SLC23A1: variants seen among roughly 807,000 people sequenced by gnomAD.
SLC23A1 encodes solute carrier family 23 member 1, also known as Na(+)/L-ascorbic acid transporter 1.
In SLC23A1, 31 loss-of-function variants were observed where a neutral mutation model predicts 62.5. The observed-to-expected ratio is 0.50, with a 90% CI of 0.37 to 0.67. The LOEUF (loss-of-function observed/expected upper bound fraction) is 0.67, where lower values mean the gene tolerates loss of function less well. SLC23A1 is among the 30% of genes least tolerant of loss of function. The probability of loss-of-function intolerance (pLI) is 0.00; values close to 1 mark genes in which losing one functional copy is unlikely to be tolerated. For missense variants in SLC23A1, 640 were observed against 782.7 expected (o/e 0.82, Z 2.18); for synonymous variants, 271 against 313.2 (o/e 0.87, Z 1.42).
chr5:139,382,152 G>A (rs573884616), intron 2 of SLC23A1, 103 bp from the exon 3 acceptor site: 9 of 1,219,878 alleles, frequency 7.4e-6, no homozygotes, highest in African/African-American at 4.5e-5. Flanking sequence ...GCCTGGAACC[G>A]GCTGCCTGCC....
chr5:139,372,650 T>C (rs1300584812), intron 13 of SLC23A1, among the ~76,000 whole-genome samples: 1 of 152,226 alleles, frequency 6.6e-6, no homozygotes, highest in Non-Finnish European at 1.5e-5. Flanking sequence ...ACTGGCACGA[T>C]CTCGGCTCAC....
rs1480041412 is a variant in SLC23A1 at position 139,379,914 on chromosome 5, C to A, written c.768+42G>T. 1 of 1,613,940 alleles carries A rather than the reference C, an allele frequency of 6.2e-7. No individual in the cohort carries two copies. Among genetic ancestry groups the A allele is most frequent in the Non-Finnish European group, 8.5e-7 (1 of 1,179,966 alleles). ...AACCTGCTCCCACCTCAGCCCAAGC[C>A]CTGGCCATAGTCCCAGCCCCAGCCG... is the stretch of plus-strand genomic sequence containing the variant. On this transcript the variant is annotated intron_variant, in intron 7 of 14. Coordinates refer to ENST00000348729, the MANE Select transcript of SLC23A1 (RefSeq NM_005847.5). The surrounding 1 kb of genome is among the most constrained non-coding windows in gnomAD (Gnocchi z 4.7).
intron 14 of SLC23A1, chr5:139,368,593 T>G: frequency 8.2e-6 from 5 of 611,286 alleles, no homozygotes; most frequent in Non-Finnish European, 5.9e-6. Flanking sequence ...GGTTCTTCCT[T>G]TTTGGGGTTT....
rs766070272 is a variant in SLC23A1, at chr5:139,380,332, G to T, written c.523C>A (p.Leu175Met). 1 of 1,610,958 alleles carries T rather than the reference G, an allele frequency of 6.2e-7. No homozygotes were observed. Among genetic ancestry groups the T allele is most frequent in the South Asian group, 1.1e-5 (1 of 90,406 alleles). ...ATGTAGTTGAGCAGGGCCCCAGGCA[G>T]CCCCAGCAGGCCAATCACCACCTCC... ...VVEVVIGLLG[L>M]PGALLNYIGP... The change falls in exon 6 of 15, where the codon CTG becomes ATG. Residue 175 changes from leucine (L) to methionine (M), a missense_variant. Physicochemically the swap from Leu to Met is conservative, Grantham distance 15. Coordinates refer to ENST00000348729, the MANE Select transcript of SLC23A1 (RefSeq NM_005847.5).
In SLC23A1 at chr5:139,380,899, C is replaced by A; in HGVS notation, c.309-13G>T. 2 of 427,924 alleles carry A rather than the reference C, an allele frequency of 4.7e-6. No homozygotes were observed. Among genetic ancestry groups the A allele is most frequent in the South Asian group, 2.5e-5 (1 of 40,794 alleles). The allele number at this position is 427,924 out of a possible 1,614,324, so 26.5% of individuals were successfully genotyped here. On this transcript the variant is annotated splice_polypyrimidine_tract_variant and intron_variant, in intron 3 of 14. Transcript: ENST00000348729. Reference sequence around the variant, plus strand: ...GAACAGCGGCAGCCTGGAGGAGAGGCACAAAGCAACAGGGGTGGGGAGGGG... The same window carrying A: ...GAACAGCGGCAGCCTGGAGGAGAGGAACAAAGCAACAGGGGTGGGGAGGGG...
intron 14 of SLC23A1, chr5:139,369,547 C>T (rs1757522940): frequency 2.0e-5 from 3 of 152,684 alleles, no homozygotes; most frequent in African/African-American, 7.2e-5. Flanking sequence ...TCACGAGAGT[C>T]TGCAGCACAA....
chr5:139,372,307 C>A (rs1379891908), intron 13 of SLC23A1, 54 bp from the exon 14 acceptor site: 3 of 1,560,872 alleles, frequency 1.9e-6, no homozygotes, highest in African/African-American at 2.7e-5. Context: ...CAGCCACCCC[C>A]ACTTCCCATA....
At position 139,378,766 on chromosome 5, in the gene SLC23A1, C is replaced by T; in HGVS notation, c.1074-82G>A. On this transcript the variant is annotated intron_variant, in intron 9 of 14. Transcript: ENST00000348729. The surrounding 1 kb of genome is among the most constrained non-coding windows in gnomAD (Gnocchi z 4.5). The stretch of plus-strand genomic sequence containing the variant: ...CCCATCATCTTAGCAAGCTGCCGTC[C>T]TCTGGGGCTGTGGGGGCTGCAGCTA... The T allele has an allele frequency of 9.3e-7, 1 of 1,071,244 alleles. No individual in the cohort carries two copies. The highest frequency in any genetic ancestry group is 1.4e-6 in the Non-Finnish European group (1 of 711,048). The allele number at this position is 1,071,244 out of a possible 1,614,324, so 66.4% of individuals were successfully genotyped here.
In SLC23A1 at chr5:139,372,148, A is replaced by C. The variant is rs1318768903; in HGVS notation, c.1655T>G (p.Ile552Arg). Residue 552 changes from isoleucine to arginine, a missense_variant, in exon 14 of 15, where the codon ATA becomes AGA. Transcript: ENST00000348729. ...KSYDFPIGMG[I>R]VKRITFLKYI... The stretch of plus-strand genomic sequence containing the variant: ...TTTCAGAAAGGTAATTCTTTTTACT[A>C]TGCCCATCCCAATGGGGAAATCGTA... 1 of 1,613,498 alleles carries C rather than the reference A, an allele frequency of 6.2e-7. No individual in the cohort carries two copies. The highest frequency in any genetic ancestry group is 1.3e-5 in the African/African-American group (1 of 74,920).
At chr5:139,373,175 T>G (rs541008010) in intron 13 of SLC23A1, among the ~76,000 whole-genome samples, 26 of 152,158 alleles carry the variant, frequency 1.7e-4, no homozygotes, top group Admixed American at 9.2e-4. Flanking sequence ...TTGTGTTTTT[T>G]TTGTTGTTGT....
chr5:139,371,578 G>A (rs1361902278), intron 14 of SLC23A1, among the ~76,000 whole-genome samples: 1 of 152,200 alleles, frequency 6.6e-6, no homozygotes, highest in Non-Finnish European at 1.5e-5. Context: ...GATTTTTCCT[G>A]TTCTTGTGCT....
chr5:139,377,973 A>G lies in SLC23A1; in HGVS notation c.1453+2T>C. The G allele has an allele frequency of 6.2e-7, 1 of 1,613,354 alleles. No homozygotes were observed. Among genetic ancestry groups the G allele is most frequent in the Non-Finnish European group, 8.5e-7 (1 of 1,179,698 alleles). On this transcript the variant is annotated splice_donor_variant, in intron 12 of 14. Transcript: ENST00000348729. LOFTEE classifies it high-confidence loss of function. ...TTGGAGACAGTAAACAGCTGGAGGC[A>G]CCTGTATTGATGGCGCCAGGGTTGG... is the stretch of plus-strand genomic sequence containing the variant.
At position 139,378,058 on chromosome 5, in the gene SLC23A1, T is replaced by G; in HGVS notation, c.1370A>C (p.Asn457Thr). ...CATGGAAAATCCCAGCACGAAGAGG[T>G]TGCGAGAGGAGTTCATGTCCACAAA... ...LQFVDMNSSR[N>T]LFVLGFSMFF... Residue 457 changes from asparagine to threonine, a missense_variant, in exon 12 of 15, where the codon AAC (asparagine) becomes ACC (threonine). Coordinates refer to ENST00000348729, the MANE Select transcript of SLC23A1 (RefSeq NM_005847.5). The surrounding 1 kb of genome is among the most constrained non-coding windows in gnomAD (Gnocchi z 4.5). The G allele has an allele frequency of 6.2e-7, 1 of 1,613,984 alleles. No individual in the cohort carries two copies. Among genetic ancestry groups the G allele is most frequent in the Non-Finnish European group, 8.5e-7 (1 of 1,179,970 alleles).
chr5:139,379,658 G>A lies in SLC23A1; in HGVS notation c.925+20C>T, dbSNP rs1758135646. The A allele has an allele frequency of 2.5e-6, 4 of 1,595,214 alleles. No individual in the cohort carries two copies. The highest frequency in any genetic ancestry group is 1.7e-6 in the Non-Finnish European group (2 of 1,168,946). ...GGTGGTCTCAGTTGGGGGCAGAGGGGCCCAAGGGGTGTTGCTCACAGGGGT... is the reference window on the plus strand; with the variant it reads ...GGTGGTCTCAGTTGGGGGCAGAGGGACCCAAGGGGTGTTGCTCACAGGGGT... On this transcript the variant is annotated intron_variant, in intron 8 of 14. Coordinates refer to ENST00000348729, the MANE Select transcript of SLC23A1 (RefSeq NM_005847.5). This position sits in a 1 kb window ranked among gnomAD's most constrained non-coding sequence, Gnocchi z 4.7.
intron 14 of SLC23A1, among the ~76,000 whole-genome samples, chr5:139,369,899 A>T (rs6596471): frequency 7.2e-5 from 11 of 151,832 alleles, no homozygotes; most frequent in African/African-American, 2.7e-4. Flanking sequence ...GAATAACTCC[A>T]TTGCCCATCC....
rs546817114 is a variant in SLC23A1, at chr5:139,374,463, A to C, written c.1550-2210T>G. ...AAAACAAAACAAACAAACAAACAAA[A>C]AAAACAAATGCAAAATGGCCCATCC... On this transcript the variant is annotated intron_variant, in intron 13 of 14. Coordinates refer to ENST00000348729, the MANE Select transcript of SLC23A1 (RefSeq NM_005847.5). Among the ~76,000 whole-genome samples, 42 of 152,298 alleles carry C rather than the reference A, an allele frequency of 2.8e-4. 1 individual carries two copies. The highest frequency in any genetic ancestry group is 1.7e-3 in the Admixed American group (26 of 15,298).
chr5:139,373,564 CAA>C (rs72552251), intron 13 of SLC23A1, among the ~76,000 whole-genome samples: 6,179 of 152,234 alleles, frequency 0.041, 203 homozygotes, highest in Middle Eastern at 0.13. Context: ...CTGGGATCGA[CAA>C]AGACTGAAAT....
At chr5:139,381,137 G>A (rs1237041776) in intron 3 of SLC23A1, among the ~76,000 whole-genome samples, 2 of 152,236 alleles carry the variant, frequency 1.3e-5, no homozygotes, top group South Asian at 2.1e-4. Flanking sequence ...ACTGTGAGGA[G>A]GGGGCACCTG....
At chr5:139,367,877 T>C (rs532755815) in intron 14 of SLC23A1, among the ~76,000 whole-genome samples, 1 of 152,350 alleles carries the variant, frequency 6.6e-6, no homozygotes, top group Admixed American at 6.5e-5. Flanking sequence ...TTAAGCAAAC[T>C]GAATTTCAAT....
Sources: gnomAD v4.1 joint callset for allele counts (sites outside exome capture counted in the v4.1 genomes callset) on GRCh38, gnomAD v4.1.1 for gene constraint, Gnocchi (gnomAD v3.1) non-coding constraint, MANE v1.5 for transcripts, NCBI Gene and HGNC (gene_info 2026-07-23, HGNC 2026-07-21) for gene names.